Variants in CPQ observed in about 807,000 individuals in gnomAD.
CPQ encodes the protein carboxypeptidase Q, also known as Ser-Met dipeptidase.
A neutral mutation model predicts 45.7 loss-of-function variants in CPQ; 37 were observed. The ratio of observed to expected loss-of-function variants is 0.81; its 90% CI spans 0.62 to 1.07. The LOEUF is 1.07. CPQ is among the 50% of genes least tolerant of loss of function. The pLI, the probability that CPQ is intolerant of heterozygous loss-of-function variation, is 0.00. For missense variants in CPQ, 537 were observed against 572.9 expected, an observed-to-expected ratio of 0.94 and a Z score of 0.64; for synonymous variants, 186 against 205.8, an observed-to-expected ratio of 0.90 and a Z score of 0.82.
intron 1 of CPQ, among the ~76,000 whole-genome samples, chr8:96,658,377 C>T (rs1815661155): frequency 6.6e-6 from 1 of 152,212 alleles, no homozygotes; most frequent in South Asian, 2.1e-4. Flanking sequence ...AGGTCTACCA[C>T]CATCACCTAT....
At chr8:96,692,142 A>C (rs1187473617) in intron 1 of CPQ, among the ~76,000 whole-genome samples, 1 of 152,170 alleles carries the variant, frequency 6.6e-6, no homozygotes, top group East Asian at 1.9e-4. Flanking sequence ...GTATTCTAGA[A>C]AGGAGAATGA....
intron 1 of CPQ, among the ~76,000 whole-genome samples, chr8:96,681,675 G>A (rs895148766): frequency 6.6e-6 from 1 of 152,138 alleles, no homozygotes; most frequent in Non-Finnish European, 1.5e-5. Flanking sequence ...CCATCCTCCA[G>A]ACTGATAGAT....
intron 4 of CPQ, among the ~76,000 whole-genome samples, chr8:96,890,999 G>A (rs182871322): frequency 1.8e-4 from 27 of 152,328 alleles, no homozygotes; most frequent in African/African-American, 6.5e-4. Context: ...GCCCTGCAAA[G>A]TATTGTCGCC....
chr8:96,737,966 ATTC>A (rs1378364620), intron 1 of CPQ, among the ~76,000 whole-genome samples: 1 of 152,032 alleles, frequency 6.6e-6, no homozygotes. Context: ...TCTAATTTTT[ATTC>A]TTCTATAGCC....
chr8:96,738,859 A>G (rs1810035198), intron 1 of CPQ, among the ~76,000 whole-genome samples: 1 of 151,958 alleles, frequency 6.6e-6, no homozygotes, highest in African/African-American at 2.4e-5. Context: ...CCAGTCTATC[A>G]TTGTTGGACA....
intron 4 of CPQ, among the ~76,000 whole-genome samples, chr8:96,912,150 CT>C (rs1221487807): frequency 3.3e-5 from 5 of 152,164 alleles, no homozygotes; most frequent in Non-Finnish European, 7.4e-5. Flanking sequence ...TATTAGGAAG[CT>C]TTAGCTGGAC....
At chr8:96,997,262 G>C (rs551828706) in intron 5 of CPQ, among the ~76,000 whole-genome samples, 1 of 152,038 alleles carries the variant, frequency 6.6e-6, no homozygotes, top group Admixed American at 6.6e-5. Context: ...ACTTTAGCTA[G>C]AAGAGTCGAA....
chr8:96,942,307 A>C lies in CPQ; in HGVS notation c.850-23628A>C, dbSNP rs539574462. Among the ~76,000 whole-genome samples the C allele has an allele frequency of 2.5e-4, 38 of 152,308 alleles. 2 individuals are homozygous for C. The South Asian group carries it at 7.3e-3, about 29-fold the overall frequency. On this transcript the variant is annotated intron_variant, in intron 4 of 7. Coordinates refer to ENST00000220763, the MANE Select transcript of CPQ (RefSeq NM_016134.4). ...TTTGCAAACCTTACTCCTTAGCCTA[A>C]GCCCTTACAATTGTTTGTATGTAAT...
intron 5 of CPQ, among the ~76,000 whole-genome samples, chr8:96,968,067 AC>A (rs2130366713): frequency 6.6e-6 from 1 of 152,262 alleles, no homozygotes; most frequent in Admixed American, 6.5e-5. Context: ...AATTTAGTTT[AC>A]CTCCATCCCC....
intron 3 of CPQ, among the ~76,000 whole-genome samples, chr8:96,876,431 T>A (rs187480970): frequency 1.4e-3 from 216 of 152,248 alleles, no homozygotes; most frequent in Middle Eastern, 6.8e-3. Flanking sequence ...AATTTTTTTA[T>A]TATTTGATTC....
chr8:97,010,744 C>A (rs550457803), intron 5 of CPQ, among the ~76,000 whole-genome samples: 2 of 152,158 alleles, frequency 1.3e-5, no homozygotes, highest in South Asian at 2.1e-4. Flanking sequence ...TAATCTCCTT[C>A]TCTCTGCAGA....
At chr8:96,771,710 A>G (rs1187232802) in intron 1 of CPQ, among the ~76,000 whole-genome samples, 3 of 151,720 alleles carry the variant, frequency 2.0e-5, no homozygotes, top group Admixed American at 2.0e-4. Flanking sequence ...TGTATTCAGC[A>G]CTGTTCTTTG....
intron 7 of CPQ, 86 bp downstream of exon 7, chr8:97,066,296 C>T: frequency 8.2e-7 from 1 of 1,213,020 alleles, no homozygotes; most frequent in Non-Finnish European, 1.1e-6. Flanking sequence ...ACAATGAATA[C>T]TAGTAGGCCA....
At chr8:97,093,664 T>C in intron 7 of CPQ, among the ~76,000 whole-genome samples, 1 of 152,126 alleles carries the variant, frequency 6.6e-6, no homozygotes, top group Admixed American at 6.6e-5. Flanking sequence ...ACCTAGACAG[T>C]GGAGATTCAC....
Position 96,962,925 on chromosome 8 carries a change from A to C in CPQ, c.850-3010A>C, listed in dbSNP as rs1439338716. On this transcript the variant is annotated intron_variant, in intron 4 of 7. Coordinates refer to ENST00000220763, the MANE Select transcript of CPQ (RefSeq NM_016134.4). ...TTTTCTGATTTAAAAAAATATACTA[A>C]AACAAGCTCTCATAATCCAGAGAAT... is the stretch of plus-strand genomic sequence containing the variant. Among the ~76,000 whole-genome samples, 6 of 152,300 alleles carry C rather than the reference A, an allele frequency of 3.9e-5. No homozygotes were observed. The East Asian group carries it at 1.2e-3, about 29-fold the overall frequency.
intron 4 of CPQ, among the ~76,000 whole-genome samples, chr8:96,900,275 C>T (rs1812498185): frequency 6.6e-6 from 1 of 152,108 alleles, no homozygotes; most frequent in African/African-American, 2.4e-5. Context: ...TGAAGCAATA[C>T]AGAAGGAATG....
At chr8:96,870,166 AT>A (rs5893401) in intron 3 of CPQ, among the ~76,000 whole-genome samples, 66,431 of 151,626 alleles carry the variant, frequency 0.44, 14,721 homozygotes, top group Middle Eastern at 0.49. Flanking sequence ...TTATATATAT[AT>A]TTTTTTGGTA....
At chr8:96,905,795 C>CTGTATGGAG in intron 4 of CPQ, among the ~76,000 whole-genome samples, 1 of 149,388 alleles carries the variant, frequency 6.7e-6, no homozygotes, top group Middle Eastern at 3.6e-3. Flanking sequence ...ACTGGTAAAC[C>CTGTATGGAG]TGTATGGAGA....
At chr8:96,856,404 G>T (rs894000351) in intron 3 of CPQ, among the ~76,000 whole-genome samples, 1 of 152,160 alleles carries the variant, frequency 6.6e-6, no homozygotes, top group East Asian at 1.9e-4. Flanking sequence ...GAAAAATAAA[G>T]GACTCAAGAG....
Sources: gnomAD v4.1 joint callset for allele counts (sites outside exome capture counted in the v4.1 genomes callset) on GRCh38, gnomAD v4.1.1 for gene constraint, MANE v1.5 for transcripts, NCBI Gene and HGNC (gene_info 2026-07-23, HGNC 2026-07-21) for gene names.